DOK6: variants seen among roughly 807,000 people sequenced by gnomAD.
DOK6 encodes downstream of tyrosine kinase 6.
A neutral mutation model predicts 44.0 loss-of-function variants in DOK6; 22 were observed. The observed-to-expected ratio is 0.50, with a 90% confidence interval of 0.36 to 0.71. DOK6 has a LOEUF of 0.71. DOK6 is among the 30% of genes least tolerant of loss of function. The probability of loss-of-function intolerance (pLI) is 0.00; values close to 1 mark genes in which losing one functional copy is unlikely to be tolerated. For synonymous variants in DOK6, 166 were observed against 145.5 expected, an observed-to-expected ratio of 1.14 and a Z score of -1.01; for missense variants, 340 against 416.4, an observed-to-expected ratio of 0.82 and a Z score of 1.60.
chr18:69,673,230 GTA>G (rs71176998), intron 3 of DOK6, among the ~76,000 whole-genome samples: 16 of 150,182 alleles, frequency 1.1e-4, no homozygotes, highest in African/African-American at 2.2e-4. Context: ...TTTTCTGTGT[GTA>G]TATATATATA....
chr18:69,683,795 C>T (rs1193301295), intron 4 of DOK6, among the ~76,000 whole-genome samples: 2 of 152,146 alleles, frequency 1.3e-5, no homozygotes, highest in African/African-American at 4.8e-5. Context: ...AAACAAATAC[C>T]AGCCCTGTAT....
chr18:69,587,770 AAC>A (rs138552349), intron 2 of DOK6, among the ~76,000 whole-genome samples: 19 of 149,174 alleles, frequency 1.3e-4, no homozygotes, highest in African/African-American at 4.4e-4. Flanking sequence ...TGTAAATTTA[AAC>A]ACACACACAC....
chr18:69,534,969 C>G (rs1348214409), intron 1 of DOK6, among the ~76,000 whole-genome samples: 1 of 152,038 alleles, frequency 6.6e-6, no homozygotes, highest in Non-Finnish European at 1.5e-5. Context: ...TCACTCATGT[C>G]TTCTCTTCCC....
intron 2 of DOK6, among the ~76,000 whole-genome samples, chr18:69,596,266 T>A (rs905572804): frequency 1.3e-5 from 2 of 152,064 alleles, no homozygotes; most frequent in African/African-American, 2.4e-5. Context: ...GATATTTTTT[T>A]AAAAAATAAA....
chr18:69,455,785 T>C (rs1843598788), intron 1 of DOK6, among the ~76,000 whole-genome samples: 1 of 152,216 alleles, frequency 6.6e-6, no homozygotes, highest in Admixed American at 6.5e-5. Flanking sequence ...TACCTACAGC[T>C]GTATTGGCAA....
intron 1 of DOK6, 47 bp downstream of exon 1, chr18:69,401,357 C>T: frequency 4.2e-6 from 6 of 1,421,296 alleles, no homozygotes; most frequent in Non-Finnish European, 5.5e-6. Context: ...TCGTTCGGCC[C>T]GGCTGGCTGC....
At chr18:69,499,462 T>C (rs1980988782) in intron 1 of DOK6, among the ~76,000 whole-genome samples, 1 of 152,210 alleles carries the variant, frequency 6.6e-6, no homozygotes, top group Non-Finnish European at 1.5e-5. Flanking sequence ...ATGAGTAATT[T>C]ACGCAAAAAT....
intron 1 of DOK6, among the ~76,000 whole-genome samples, chr18:69,438,462 G>A (rs1045306642): frequency 5.3e-5 from 8 of 152,144 alleles, no homozygotes; most frequent in African/African-American, 1.4e-4. Flanking sequence ...TATTTCTACT[G>A]TGTCTGTAGT....
intron 1 of DOK6, among the ~76,000 whole-genome samples, chr18:69,560,527 C>T (rs952682489): frequency 3.9e-5 from 6 of 152,042 alleles, no homozygotes; most frequent in East Asian, 1.9e-4. Context: ...ATGGAATAAA[C>T]GGTTTTGTTT....
intron 3 of DOK6, among the ~76,000 whole-genome samples, chr18:69,669,036 C>A (rs542104373): frequency 1.3e-5 from 2 of 152,150 alleles, no homozygotes; most frequent in Non-Finnish European, 2.9e-5. Context: ...TTACAGGACC[C>A]TAATCTTCTA....
intron 2 of DOK6, among the ~76,000 whole-genome samples, chr18:69,575,585 G>A (rs1374392542): frequency 2.0e-5 from 3 of 151,944 alleles, no homozygotes; most frequent in Non-Finnish European, 4.4e-5. Context: ...AGCCCTGACA[G>A]GAAAAAAGCT....
chr18:69,643,107 C>T (rs1984985226), intron 3 of DOK6, among the ~76,000 whole-genome samples: 2 of 152,140 alleles, frequency 1.3e-5, no homozygotes, highest in African/African-American at 4.8e-5. Flanking sequence ...TAAACCATTA[C>T]TATTCTTCTT....
At chr18:69,540,122 C>G (rs1477013823) in intron 1 of DOK6, among the ~76,000 whole-genome samples, 2 of 152,144 alleles carry the variant, frequency 1.3e-5, no homozygotes, top group African/African-American at 4.8e-5. Flanking sequence ...AATCACCTCC[C>G]ACCAGGGCCT....
rs1982402244 is a variant in DOK6, at chr18:69,848,490, G to C, written c.*7107G>C. The stretch of plus-strand genomic sequence containing the variant: ...AAAAACTAGCTGAACTACGTTTTGG[G>C]ATGAGATGCAAAGCAACAGCTGTCC... On this transcript the variant is annotated 3_prime_UTR_variant, in exon 8 of 8. Transcript: ENST00000382713. 2 of 152,178 alleles carry C rather than the reference G, an allele frequency of 1.3e-5. No homozygotes were observed. Among genetic ancestry groups the C allele is most frequent in the South Asian group, 4.1e-4 (2 of 4,830 alleles). The allele number at this position is 152,178 out of a possible 1,614,324, so 9.4% of individuals were successfully genotyped here.
chr18:69,537,045 G>A (rs1377562080), intron 1 of DOK6, among the ~76,000 whole-genome samples: 3 of 149,988 alleles, frequency 2.0e-5, no homozygotes, highest in South Asian at 2.1e-4. Context: ...TATGTTGACC[G>A]GGTCGGTCTG....
chr18:69,526,959 G>T (rs556208933), intron 1 of DOK6, among the ~76,000 whole-genome samples: 1 of 152,018 alleles, frequency 6.6e-6, no homozygotes, highest in Admixed American at 6.6e-5. Flanking sequence ...TGGATCATTC[G>T]ATCCCCTTCC....
intron 6 of DOK6, among the ~76,000 whole-genome samples, chr18:69,742,414 CAAAAA>C (rs755723043): frequency 1.7e-5 from 2 of 120,468 alleles, no homozygotes; most frequent in Non-Finnish European, 3.4e-5. Flanking sequence ...AACTCCATCT[CAAAAA>C]AAAAAAAAAG....
At chr18:69,435,129 G>A (rs1217764146) in intron 1 of DOK6, among the ~76,000 whole-genome samples, 1 of 151,984 alleles carries the variant, frequency 6.6e-6, no homozygotes, top group Non-Finnish European at 1.5e-5. Flanking sequence ...AGGGGATCCT[G>A]ATCCACAATG....
chr18:69,518,535 G>T (rs1981595974), intron 1 of DOK6, among the ~76,000 whole-genome samples: 2 of 152,070 alleles, frequency 1.3e-5, no homozygotes, highest in Non-Finnish European at 2.9e-5. Context: ...AAAAATGTTT[G>T]CCTGAAGACA....
Sources: gnomAD v4.1 joint callset for allele counts (sites outside exome capture counted in the v4.1 genomes callset) on GRCh38, gnomAD v4.1.1 for gene constraint, MANE v1.5 for transcripts, NCBI Gene and HGNC (gene_info 2026-07-23, HGNC 2026-07-21) for gene names.